Variants in CCDC146 observed in about 807,000 individuals in gnomAD.
The protein encoded by CCDC146 is coiled-coil domain containing 146.
In CCDC146, 92 loss-of-function variants were observed where a neutral mutation model predicts 119.3. That is an observed-to-expected ratio of 0.77 (90% CI 0.65 to 0.92). The LOEUF is 0.92. Among genes scored for constraint, CCDC146 ranks in the 40% least tolerant of loss-of-function variants. The pLI, the probability that CCDC146 is intolerant of heterozygous loss-of-function variation, is 0.00. For missense variants in CCDC146, 1,000 were observed against 1,103.0 expected (o/e 0.91, Z 1.32); for synonymous variants, 372 against 371.8 (o/e 1.00, Z -0.01).
rs148896292 is a variant in CCDC146 at position 77,167,678 on chromosome 7, A to T, written c.10A>T (p.Ser4Cys). The change falls in exon 2 of 19, where the codon AGT (serine) becomes TGT (cysteine). Residue 4 changes from serine (S) to cysteine (C), a missense_variant. By Grantham distance (112) the Ser-to-Cys change is moderately radical (BLOSUM62 -1). Around this residue, in one of 2 missense-constraint regions of CCDC146, gnomAD observed 15 missense variants for 57.7 expected, o/e 0.26. Transcript: ENST00000285871. The part of the protein sequence containing the change: MED[S>C]STDTEKEEEE... ...TTTAGAATCGTGAAAAATGGAAGAC[A>T]GTAGCACAGACACAGAAAAAGAAGA... is the stretch of plus-strand genomic sequence containing the variant. The T allele has an allele frequency of 3.4e-3, 5,466 of 1,589,476 alleles. 16 individuals carry two copies. The African/African-American group carries it at 0.062, about 18-fold the overall frequency.
chr7:77,199,735 A>G (rs1791949790), intron 2 of CCDC146: 1 of 1,614,034 alleles, frequency 6.2e-7, no homozygotes, highest in African/African-American at 1.3e-5. Context: ...TGCCACAACC[A>G]AAAAACCGTA....
At chr7:77,218,743 T>A (rs575352923) in intron 2 of CCDC146, among the ~76,000 whole-genome samples, 1 of 151,874 alleles carries the variant, frequency 6.6e-6, no homozygotes, top group Non-Finnish European at 1.5e-5. Flanking sequence ...CCATTTTTTT[T>A]TATTTTTTGT....
chr7:77,264,655 T>A (rs1024871391), intron 9 of CCDC146, among the ~76,000 whole-genome samples: 2 of 152,264 alleles, frequency 1.3e-5, no homozygotes, highest in African/African-American at 4.8e-5. Flanking sequence ...TCTGCCTTTT[T>A]AAATTCTTGT....
intron 4 of CCDC146, among the ~76,000 whole-genome samples, chr7:77,250,128 C>T (rs1322577220): frequency 6.6e-6 from 1 of 152,186 alleles, no homozygotes; most frequent in African/African-American, 2.4e-5. Context: ...TCATTGCTGT[C>T]ATTCATTTCA....
intron 2 of CCDC146, chr7:77,199,418 C>T (rs754376653): frequency 1.2e-6 from 2 of 1,614,150 alleles, no homozygotes; most frequent in South Asian, 2.2e-5. Flanking sequence ...CTGTTATCAC[C>T]AACCTCTCCC....
chr7:77,205,620 A>G (rs1271441732), intron 2 of CCDC146, among the ~76,000 whole-genome samples: 1 of 152,160 alleles, frequency 6.6e-6, no homozygotes, highest in Non-Finnish European at 1.5e-5. Flanking sequence ...TTAGCCAAGC[A>G]TGATGGTGCA....
At chr7:77,276,979 T>G (rs556017757) in intron 11 of CCDC146, among the ~76,000 whole-genome samples, 6 of 151,954 alleles carry the variant, frequency 3.9e-5, no homozygotes, top group Non-Finnish European at 7.4e-5. Flanking sequence ...GGCAGAGGCA[T>G]GAGAATCGCT....
chr7:77,168,573 C>T (rs1410916473), intron 2 of CCDC146, among the ~76,000 whole-genome samples: 3 of 151,806 alleles, frequency 2.0e-5, no homozygotes, highest in Non-Finnish European at 4.4e-5. Context: ...AGAAGCAAAA[C>T]CAAATTGGAA....
intron 2 of CCDC146, among the ~76,000 whole-genome samples, chr7:77,206,776 T>C (rs1302978054): frequency 6.6e-6 from 1 of 151,212 alleles, no homozygotes. Context: ...ATATAGAACA[T>C]TGTGAAATAT....
At chr7:77,259,152 CATTAA>C in intron 7 of CCDC146, 84 bp downstream of exon 7, 1 of 739,718 alleles carries the variant, frequency 1.4e-6, no homozygotes, top group Non-Finnish European at 2.2e-6. Flanking sequence ...CCATTGGACA[CATTAA>C]ATTACTATGA....
chr7:77,203,446 G>A (rs1792031566), intron 2 of CCDC146, among the ~76,000 whole-genome samples: 1 of 152,038 alleles, frequency 6.6e-6, no homozygotes, highest in Admixed American at 6.6e-5. Context: ...GAATAGATGT[G>A]GATGTTAATT....
rs947917733 is a variant in CCDC146 at position 77,287,364 on chromosome 7, C to T, written c.2278-76C>T. 9 of 1,489,288 alleles carry T rather than the reference C, an allele frequency of 6.0e-6. No homozygotes were observed. In the African/African-American group the frequency reaches 1.1e-4, roughly 18 times the overall value. The allele number at this position is 1,489,288 out of a possible 1,614,324, so 92.3% of individuals were successfully genotyped here. ...ATTTTGTGGGGGGTAGGGGGAGATA[C>T]TGCTCTAATTAGGAAATAAGATTTT... is the stretch of plus-strand genomic sequence containing the variant. On this transcript the variant is annotated intron_variant, in intron 16 of 18. Coordinates refer to ENST00000285871, the MANE Select transcript of CCDC146 (RefSeq NM_020879.3).
chr7:77,171,736 T>C (rs1410954039), intron 2 of CCDC146, among the ~76,000 whole-genome samples: 1 of 152,232 alleles, frequency 6.6e-6, no homozygotes, highest in Non-Finnish European at 1.5e-5. Flanking sequence ...AGAGTGACCT[T>C]AAGACCAGTT....
At chr7:77,203,299 G>A (rs1185528243) in intron 2 of CCDC146, among the ~76,000 whole-genome samples, 2 of 152,098 alleles carry the variant, frequency 1.3e-5, no homozygotes, top group African/African-American at 4.8e-5. Context: ...GCATGCTAAT[G>A]ACAGAGGTAG....
intron 1 of CCDC146, among the ~76,000 whole-genome samples, chr7:77,152,112 G>A (rs969327229): frequency 6.6e-6 from 1 of 152,150 alleles, no homozygotes; most frequent in African/African-American, 2.4e-5. Flanking sequence ...TGAATGTTCA[G>A]GTTCCACCAT....
intron 1 of CCDC146, among the ~76,000 whole-genome samples, chr7:77,152,364 C>T (rs1791119588): frequency 6.6e-6 from 1 of 152,086 alleles, no homozygotes; most frequent in Non-Finnish European, 1.5e-5. Context: ...AGGGATGCTG[C>T]CCCAGGAGAG....
At chr7:77,182,045 T>C (rs914241866) in intron 2 of CCDC146, among the ~76,000 whole-genome samples, 2 of 152,218 alleles carry the variant, frequency 1.3e-5, no homozygotes, top group Non-Finnish European at 2.9e-5. Flanking sequence ...AAAATTTCTT[T>C]ACCCCTTTTC....
intron 2 of CCDC146, among the ~76,000 whole-genome samples, chr7:77,168,387 A>G (rs1182038465): frequency 4.0e-5 from 6 of 151,764 alleles, no homozygotes; most frequent in South Asian, 4.1e-4. Flanking sequence ...CTGACTATGT[A>G]TTCAGCTGTT....
chr7:77,269,507 T>C (rs771711055), intron 9 of CCDC146, among the ~76,000 whole-genome samples: 4 of 152,254 alleles, frequency 2.6e-5, no homozygotes, highest in Non-Finnish European at 4.4e-5. Context: ...AATTGGAAGC[T>C]GTCTGTGATG....
Sources: allele counts gnomAD v4.1 joint callset (sites outside exome capture counted in the v4.1 genomes callset), GRCh38; gene constraint gnomAD v4.1.1; regional missense constraint gnomAD v4.1.1; transcripts MANE v1.5; gene names NCBI Gene and HGNC (gene_info 2026-07-23, HGNC 2026-07-21).